The following CDKL5 variants were observed in gnomAD, a reference collection of about 807,000 sequenced individuals.
CDKL5 encodes the protein cyclin dependent kinase like 5.
CDKL5 carries 8 observed loss-of-function variants against 61.7 expected under a neutral mutation model. The ratio of observed to expected loss-of-function variants is 0.13; its 90% CI spans 0.08 to 0.23. The LOEUF is 0.23. Among genes scored for constraint, CDKL5 ranks in the 10% least tolerant of loss-of-function variants. The pLI, the probability that CDKL5 is intolerant of heterozygous loss-of-function variation, is 1.00. For synonymous variants in CDKL5, 275 were observed against 272.3 expected, an observed-to-expected ratio of 1.01 and a Z score of -0.10; for missense variants, 440 against 734.5, an observed-to-expected ratio of 0.60 and a Z score of 4.63.
At chrX:18,505,042 T>C (rs1235980471) in intron 1 of CDKL5, among the ~76,000 whole-genome samples, 1 of 111,895 alleles carries the variant, frequency 8.9e-6, no homozygotes, top group Non-Finnish European at 1.9e-5. Context: ...CCACTGTTAT[T>C]CTTAGAGATG....
chrX:18,623,491 T>C (rs932636602), intron 16 of CDKL5, among the ~76,000 whole-genome samples: 7 of 112,075 alleles, frequency 6.2e-5, no homozygotes, highest in African/African-American at 2.3e-4. Flanking sequence ...TGAAGTCCTC[T>C]CTAGCAATTA....
chrX:18,561,064 ATATCC>A (rs1924789744), intron 3 of CDKL5, among the ~76,000 whole-genome samples: 1 of 111,314 alleles, frequency 9.0e-6, no homozygotes, highest in African/African-American at 3.3e-5. Flanking sequence ...TCTTGGAAAA[ATATCC>A]TAGTATATAG....
At chrX:18,443,112 A>G (rs1298492681) in intron 1 of CDKL5, among the ~76,000 whole-genome samples, 5 of 111,672 alleles carry the variant, frequency 4.5e-5, no homozygotes, top group African/African-American at 9.8e-5. Context: ...TTTGCTCACC[A>G]TTCTTCCTTC....
At chrX:18,456,196 C>T (rs1484684701) in intron 1 of CDKL5, among the ~76,000 whole-genome samples, 1 of 110,162 alleles carries the variant, frequency 9.1e-6, no homozygotes, top group African/African-American at 3.3e-5. Context: ...CCCACCACCA[C>T]GCCCAGCTAA....
intron 5 of CDKL5, among the ~76,000 whole-genome samples, chrX:18,576,806 GTT>G (rs753569295): frequency 2.2e-5 from 2 of 90,001 alleles, no homozygotes; most frequent in African/African-American, 4.0e-5. Flanking sequence ...AAAACTAAAA[GTT>G]TTTTTTTTTT....
intron 3 of CDKL5, among the ~76,000 whole-genome samples, chrX:18,560,264 T>A (rs961092600): frequency 9.0e-6 from 1 of 111,563 alleles, no homozygotes; most frequent in African/African-American, 3.3e-5. Flanking sequence ...GTAAAAGTGT[T>A]CCTATTTCTC....
Position 18,525,053 on chromosome X carries a change from G to A in CDKL5, c.99+14199G>A, listed in dbSNP as rs189197840. 2.7e-3 allele frequency among the ~76,000 whole-genome samples: 297 copies of A among 111,229 alleles called. 1 individual carries two copies. Among genetic ancestry groups the A allele is most frequent in the Non-Finnish European group, 4.9e-3 (258 of 53,013 alleles). On this transcript the variant is annotated intron_variant, in intron 3 of 17. Transcript: ENST00000623535. Reference sequence around the variant, plus strand: ...TCCTCCCATCTCAGTCTCCTAAGTGGTTGGGACTATAGGCTCATGCCACCA... The same window carrying A: ...TCCTCCCATCTCAGTCTCCTAAGTGATTGGGACTATAGGCTCATGCCACCA...
chrX:18,434,627 CTG>C (rs1429726188), intron 1 of CDKL5, among the ~76,000 whole-genome samples: 1 of 111,981 alleles, frequency 8.9e-6, no homozygotes, highest in African/African-American at 3.2e-5. Flanking sequence ...CAGTTTTAAA[CTG>C]TGTATTTTGT....
intron 1 of CDKL5, among the ~76,000 whole-genome samples, chrX:18,488,128 C>G (rs1921858555): frequency 1.8e-5 from 2 of 110,901 alleles, no homozygotes; most frequent in South Asian, 7.8e-4. Context: ...CTTGAAGGTA[C>G]TTGACAGTGA....
intron 1 of CDKL5, among the ~76,000 whole-genome samples, chrX:18,433,132 G>A (rs1931534722): frequency 9.1e-6 from 1 of 110,138 alleles, no homozygotes; most frequent in Non-Finnish European, 1.9e-5. Flanking sequence ...GGAGGCTGAG[G>A]TGGGAAGATG....
At chrX:18,517,101 T>A (rs972433019) in intron 3 of CDKL5, among the ~76,000 whole-genome samples, 1 of 111,983 alleles carries the variant, frequency 8.9e-6, no homozygotes, top group Non-Finnish European at 1.9e-5. Flanking sequence ...TTTATCCTCA[T>A]CATCCGAATC....
At chrX:18,535,583 C>T (rs543911832) in intron 3 of CDKL5, 1 of 114,089 alleles carries the variant, frequency 8.8e-6, no homozygotes, top group African/African-American at 3.3e-5. Flanking sequence ...CTGATGATCC[C>T]GTGGTCTGTC....
chrX:18,544,346 A>G (rs1460120724), intron 3 of CDKL5, among the ~76,000 whole-genome samples: 1 of 112,612 alleles, frequency 8.9e-6, no homozygotes, highest in Non-Finnish European at 1.9e-5. Flanking sequence ...GGAATGCCCA[A>G]AAGTAGAACA....
rs769632892 is a variant in CDKL5, at chrX:18,433,228, CA to C, written c.-163+7545del. Among the ~76,000 whole-genome samples, 158 of 87,465 alleles carry C rather than the reference CA, an allele frequency of 1.8e-3. 1 individual carries two copies. In the East Asian group the frequency reaches 0.028, roughly 16 times the overall value. The allele number at this position is 87,465 out of a possible 115,157, so 76.0% of individuals were successfully genotyped here. A position where few individuals can be genotyped will look rare whatever the true frequency, so the allele number is the denominator to read the frequency against. On this transcript the variant is annotated intron_variant, in intron 1 of 17. Coordinates refer to ENST00000623535, the MANE Select transcript of CDKL5 (RefSeq NM_001323289.2). ...GGGCAACAGGAGTGAAACCCTGTCT[CA>C]AAAAAAAAAAAGAAAAGAAAAGAAA... is the stretch of plus-strand genomic sequence containing the variant.
Position 18,652,525 on chromosome X carries a change from C to T in CDKL5, c.2981-907C>T, listed in dbSNP as rs974580331. On this transcript the variant is annotated intron_variant, in intron 21 of 21. Transcript: ENST00000379989. ...CTCTACTAAAAATACAAAAATTAGC[C>T]GAGCGCAGTGGTTGGCACCTGTAAT... Among the ~76,000 whole-genome samples the T allele has an allele frequency of 1.2e-4, 13 of 111,399 alleles. No individual in the cohort carries two copies. In the South Asian group the frequency reaches 3.0e-3, roughly 26 times the overall value.
At chrX:18,485,110 T>TA (rs1412379371) in intron 1 of CDKL5, among the ~76,000 whole-genome samples, 1 of 110,145 alleles carries the variant, frequency 9.1e-6, no homozygotes, top group African/African-American at 3.3e-5. Flanking sequence ...TTTTTTTTTT[T>TA]AATATAATTT....
At chrX:18,485,151 C>G (rs1271547190) in intron 1 of CDKL5, among the ~76,000 whole-genome samples, 2 of 109,100 alleles carry the variant, frequency 1.8e-5, no homozygotes, top group Non-Finnish European at 3.8e-5. Flanking sequence ...CTACAGGTCA[C>G]AGCAGAAATT....
intron 1 of CDKL5, among the ~76,000 whole-genome samples, chrX:18,438,784 C>T (rs1475750379): frequency 2.3e-5 from 2 of 88,486 alleles, no homozygotes; most frequent in African/African-American, 8.7e-5. Context: ...AGCGAACCTC[C>T]GTCTCAAAAA....
intron 1 of CDKL5, among the ~76,000 whole-genome samples, chrX:18,479,660 C>T (rs1196113766): frequency 9.0e-6 from 1 of 111,443 alleles, no homozygotes; most frequent in Non-Finnish European, 1.9e-5. Flanking sequence ...CTTTCTTCTC[C>T]TCTGGTATTC....
Sources: gnomAD v4.1 joint callset for allele counts (sites outside exome capture counted in the v4.1 genomes callset) on GRCh38, gnomAD v4.1.1 for gene constraint, MANE v1.5 for transcripts, NCBI Gene and HGNC (gene_info 2026-07-23, HGNC 2026-07-21) for gene names.